Variants in ZNF737 observed in about 807,000 individuals in gnomAD.
The protein encoded by ZNF737 is zinc finger protein 737, also known as zinc finger protein 102 (Y3).
Under a neutral mutation model 11.7 loss-of-function variants are expected in ZNF737, and 13 were observed. The observed-to-expected ratio is 1.11, with a 90% CI of 0.73 to 1.77. ZNF737 has a LOEUF of 1.77. Ranked by LOEUF, ZNF737 falls within the 40% of genes most tolerant of loss-of-function variation. The pLI is 0.00. For missense variants in ZNF737, 636 were observed against 638.0 expected, an observed-to-expected ratio of 1.00 and a Z score of 0.03; for synonymous variants, 217 against 216.2, an observed-to-expected ratio of 1.00 and a Z score of -0.03.
At chr19:20,534,928 GA>G (rs1254944713), downstream of ZNF737, among the ~76,000 whole-genome samples, 1 of 149,958 alleles carries the variant, frequency 6.7e-6, no homozygotes, top group Non-Finnish European at 1.5e-5. Context: ...CTTTATCCAG[GA>G]AATTTTGAAA....
intron 1 of ZNF737, among the ~76,000 whole-genome samples, chr19:20,558,344 A>G (rs1219648679): frequency 6.6e-6 from 1 of 152,080 alleles, no homozygotes; most frequent in Non-Finnish European, 1.5e-5. Context: ...AGATGTAGAC[A>G]TCAGAAGTCT....
In ZNF737 at chr19:20,542,146, A is replaced by C; in HGVS notation, c.*2446T>G. The C allele has an allele frequency of 1.0e-6, 1 of 985,284 alleles. No individual in the cohort carries two copies. The highest frequency in any genetic ancestry group is 1.2e-6 in the Non-Finnish European group (1 of 829,784). 61.0% of individuals were successfully genotyped at this position (985,284 alleles called of 1,614,324 possible). On this transcript the variant is annotated 3_prime_UTR_variant, in exon 4 of 4. Transcript: ENST00000427401. ...CCCTTGAGTAAAGTGGGATACAGTT[A>C]GTGGCACAATAATGGTTCATTAAAC...
At chr19:20,552,351 G>T in intron 3 of ZNF737, 124 bp downstream of exon 3, 1 of 506,514 alleles carries the variant, frequency 2.0e-6, no homozygotes, top group Non-Finnish European at 3.2e-6. Context: ...AAAAAAAACA[G>T]CTCCCAGGAA....
chr19:20,563,691 G>A (rs1356818080), intron 1 of ZNF737, among the ~76,000 whole-genome samples: 4 of 151,696 alleles, frequency 2.6e-5, no homozygotes, highest in Non-Finnish European at 5.9e-5. Flanking sequence ...TCATCATGTT[G>A]GGCAGGCTGG....
intron 1 of ZNF737, among the ~76,000 whole-genome samples, 198 bp from the exon 2 acceptor site, chr19:20,554,033 A>AAT: frequency 6.6e-6 from 1 of 152,352 alleles, no homozygotes; most frequent in South Asian, 2.1e-4. Flanking sequence ...TAAGATCCAC[A>AAT]ACATCAGTTC....
chr19:20,565,034 A>C (rs1670573074), intron 1 of ZNF737, among the ~76,000 whole-genome samples: 1 of 150,214 alleles, frequency 6.7e-6, no homozygotes, highest in South Asian at 2.1e-4. Flanking sequence ...TCCGGAGTTC[A>C]AGCGATTCTC....
intron 3 of ZNF737, among the ~76,000 whole-genome samples, chr19:20,549,135 A>G (rs12460067): frequency 0.27 from 41,409 of 151,934 alleles, 6,386 homozygotes; most frequent in East Asian, 0.45. Flanking sequence ...ATCAGCTAAG[A>G]AAGAATATAA....
rs1257795438 is a variant in ZNF737, at chr19:20,549,893, AC to A, written c.226+2581del. Among the ~76,000 whole-genome samples the A allele has an allele frequency of 3.3e-5, 5 of 149,772 alleles. No individual in the cohort carries two copies. In the East Asian group the frequency reaches 9.9e-4, roughly 30 times the overall value. ...TGCAGTGAGCCAAGATCATACCACT[AC>A]ACTCCAGCCTGGGTGACAGAGTGTG... is the stretch of plus-strand genomic sequence containing the variant. On this transcript the variant is annotated intron_variant, in intron 3 of 3. Coordinates refer to ENST00000427401, the MANE Select transcript of ZNF737 (RefSeq NM_001159293.2).
At chr19:20,536,704 G>C (rs1015062180), downstream of ZNF737, among the ~76,000 whole-genome samples, 11 of 152,192 alleles carry the variant, frequency 7.2e-5, no homozygotes, top group African/African-American at 2.4e-4. Flanking sequence ...CACTTTGGGA[G>C]GCTGAGGCTG....
chr19:20,536,056 T>C, downstream of ZNF737: 5 of 983,232 alleles, frequency 5.1e-6, no homozygotes, highest in Non-Finnish European at 6.0e-6. Flanking sequence ...TTACCTTTTA[T>C]CCGCTTCACT....
chr19:20,560,103 T>C (rs1385281421), intron 1 of ZNF737, among the ~76,000 whole-genome samples: 9 of 148,060 alleles, frequency 6.1e-5, no homozygotes, highest in African/African-American at 2.3e-4. Context: ...GAAGCGGAGC[T>C]TGCAGTGAGC....
Position 20,543,729 on chromosome 19 carries a change from ATTG to A in ZNF737, c.*860_*862del, listed in dbSNP as rs1425717857. On this transcript the variant is annotated 3_prime_UTR_variant, in exon 4 of 4. Coordinates refer to ENST00000427401, the MANE Select transcript of ZNF737 (RefSeq NM_001159293.2). ...TCTAGGGTTTCACACTAGTATAATT[ATTG>A]TTATGTGTAGAGAAGTTGGAGGTGT... 7 of 985,260 alleles carry A rather than the reference ATTG, an allele frequency of 7.1e-6. No individual in the cohort carries two copies. Among genetic ancestry groups the A allele is most frequent in the African/African-American group, 5.2e-5 (3 of 57,230 alleles). 61.0% of individuals were successfully genotyped at this position (985,260 alleles called of 1,614,324 possible).
At position 20,565,690 on chromosome 19, in the gene ZNF737, A is replaced by C; in HGVS notation, c.-50T>G. On this transcript the variant is annotated 5_prime_UTR_variant, in exon 1 of 4. Coordinates refer to ENST00000427401, the MANE Select transcript of ZNF737 (RefSeq NM_001159293.2). ...GCGTCTTAGCTGTGGATCTCCCAAT[A>C]CCTGCAGGACACAGGGCCACAGAGG... 3.1e-6 allele frequency: 5 copies of C among 1,613,562 alleles called. No individual in the cohort carries two copies. The highest frequency in any genetic ancestry group is 4.2e-6 in the Non-Finnish European group (5 of 1,179,650).
chr19:20,561,305 G>A (rs1969084985), intron 1 of ZNF737, among the ~76,000 whole-genome samples: 1 of 152,134 alleles, frequency 6.6e-6, no homozygotes, highest in Admixed American at 6.5e-5. Flanking sequence ...GTGGGTTCTT[G>A]GCAAGAAACA....
rs1555754258 is a variant in ZNF737, at chr19:20,538,001, T to C, written c.*6591A>G. ...CTTTTCTGAGGCAGAGTAAGATTTA[T>C]AACATTTTATTATCATATGGAAGAA... is the stretch of plus-strand genomic sequence containing the variant. On this transcript the variant is annotated 3_prime_UTR_variant, in exon 4 of 4. Transcript: ENST00000427401. 4.2e-6 allele frequency: 4 copies of C among 943,952 alleles called. No individual in the cohort carries two copies. The highest frequency in any genetic ancestry group is 1.3e-6 in the Non-Finnish European group (1 of 792,300). 58.5% of individuals were successfully genotyped at this position (943,952 alleles called of 1,614,324 possible). A position where few individuals can be genotyped will look rare whatever the true frequency, so the allele number is the denominator to read the frequency against.
intron 1 of ZNF737, among the ~76,000 whole-genome samples, chr19:20,561,088 G>A (rs117773347): frequency 0.013 from 1,958 of 152,306 alleles, 23 homozygotes; most frequent in South Asian, 0.022. Flanking sequence ...TCCCTGGGTG[G>A]GAGAGATTGC....
rs1968206882 is a variant in ZNF737, at chr19:20,541,556, C to T, written c.*3036G>A. 1 of 302,514 alleles carries T rather than the reference C, an allele frequency of 3.3e-6. No individual in the cohort carries two copies. Among genetic ancestry groups the T allele is most frequent in the South Asian group, 1.3e-4 (1 of 7,686 alleles). The allele number at this position is 302,514 out of a possible 1,614,324, so 18.7% of individuals were successfully genotyped here. On this transcript the variant is annotated 3_prime_UTR_variant, in exon 4 of 4. Transcript: ENST00000427401. The stretch of plus-strand genomic sequence containing the variant: ...CTGCCTCCTGGGCTCAAACGATTCT[C>T]CTGCCTCAGCCTCCTGGCATGTGCC...
chr19:20,533,979 T>C (rs1488381578), downstream of ZNF737, among the ~76,000 whole-genome samples: 1 of 150,186 alleles, frequency 6.7e-6, no homozygotes, highest in Non-Finnish European at 1.5e-5. Flanking sequence ...GCTAACTGGC[T>C]GATTGGTATC....
Position 20,543,028 on chromosome 19 carries a change from C to T in ZNF737, c.*1564G>A. 3.0e-6 allele frequency: 3 copies of T among 985,222 alleles called. No individual in the cohort carries two copies. Among genetic ancestry groups the T allele is most frequent in the African/African-American group, 1.7e-5 (1 of 57,350 alleles). 61.0% of individuals were successfully genotyped at this position (985,222 alleles called of 1,614,324 possible). Reference sequence around the variant, plus strand: ...GCAGTTGTGGATTAGTTTTTATATTCAATGCTCTGATTTAGTGTAATGTCT... The same window carrying T: ...GCAGTTGTGGATTAGTTTTTATATTTAATGCTCTGATTTAGTGTAATGTCT... On this transcript the variant is annotated 3_prime_UTR_variant, in exon 4 of 4. Coordinates refer to ENST00000427401, the MANE Select transcript of ZNF737 (RefSeq NM_001159293.2).
Sources: allele counts gnomAD v4.1 joint callset (sites outside exome capture counted in the v4.1 genomes callset), GRCh38; gene constraint gnomAD v4.1.1; transcripts MANE v1.5; gene names NCBI Gene and HGNC (gene_info 2026-07-23, HGNC 2026-07-21).